Variants in EBF1 observed in about 807,000 individuals in gnomAD.
The protein encoded by EBF1 is EBF transcription factor 1.
Under a neutral mutation model 68.4 loss-of-function variants are expected in EBF1, and 10 were observed. The observed-to-expected ratio is 0.15, with a 90% CI of 0.09 to 0.25. EBF1 has a LOEUF of 0.25. Ranked by LOEUF, EBF1 falls within the 10% of genes least tolerant of loss-of-function variation. EBF1 has a pLI of 1.00. For missense variants in EBF1, 509 were observed against 794.4 expected, an observed-to-expected ratio of 0.64 and a Z score of 4.32; for synonymous variants, 298 against 299.8, an observed-to-expected ratio of 0.99 and a Z score of 0.06.
intron 6 of EBF1, among the ~76,000 whole-genome samples, chr5:158,943,494 A>G (rs909342472): frequency 3.3e-5 from 5 of 152,202 alleles, no homozygotes; most frequent in Non-Finnish European, 4.4e-5. Context: ...GTTGTGATAT[A>G]TATTATACGT....
At chr5:158,761,519 A>G (rs756739498) in intron 10 of EBF1, among the ~76,000 whole-genome samples, 3 of 152,230 alleles carry the variant, frequency 2.0e-5, no homozygotes, top group Non-Finnish European at 4.4e-5. Flanking sequence ...AGTGGTAATT[A>G]CATGGTAATT....
chr5:158,752,433 G>A (rs1769127010), intron 10 of EBF1, among the ~76,000 whole-genome samples: 2 of 150,212 alleles, frequency 1.3e-5, no homozygotes, highest in East Asian at 3.9e-4. Flanking sequence ...GAGATACCAA[G>A]ACAGCAATGG....
intron 6 of EBF1, chr5:158,983,897 A>AGAGTGTGTGT (rs781346130): frequency 3.6e-5 from 5 of 139,972 alleles, no homozygotes; most frequent in Non-Finnish European, 6.2e-5. Context: ...CAACTGTAAG[A>AGAGTGTGTGT]GTGTGTGTGT....
At chr5:158,728,749 G>GAT (rs1205482148) in intron 11 of EBF1, among the ~76,000 whole-genome samples, 1 of 152,100 alleles carries the variant, frequency 6.6e-6, no homozygotes, top group African/African-American at 2.4e-5. Context: ...TTAGTTTGTA[G>GAT]AGATAGGGTT....
chr5:158,699,297 T>C (rs1756261078), intron 15 of EBF1, among the ~76,000 whole-genome samples, 155 bp from the exon 16 acceptor site: 1 of 152,170 alleles, frequency 6.6e-6, no homozygotes, highest in Non-Finnish European at 1.5e-5. Flanking sequence ...GAATGAATTT[T>C]CGTTATAAAA....
rs569320086 is a variant in EBF1, at chr5:159,082,280, C to T, written c.485+2386G>A. On this transcript the variant is annotated intron_variant, in intron 5 of 15. Coordinates refer to ENST00000313708, the MANE Select transcript of EBF1 (RefSeq NM_024007.5). ...ACATCAACACAAAGTTTTATTGTGC[C>T]GTTAGCTTTGATAGAAAGCACTGCA... 1.4e-3 allele frequency among the ~76,000 whole-genome samples: 220 copies of T among 152,174 alleles called. 1 individual carries two copies. Among genetic ancestry groups the T allele is most frequent in the Non-Finnish European group, 2.9e-3 (199 of 67,996 alleles).
chr5:159,077,788 A>G lies in EBF1; in HGVS notation c.486-4324T>C, dbSNP rs1441544026. Reference sequence around the variant, plus strand: ...TTTTTGCACTCCCAGGCTGGAGTGCAGTGGTGTGATCTCAGCTCAGCTCAC... The same window carrying G: ...TTTTTGCACTCCCAGGCTGGAGTGCGGTGGTGTGATCTCAGCTCAGCTCAC... On this transcript the variant is annotated intron_variant, in intron 5 of 15. Coordinates refer to ENST00000313708, the MANE Select transcript of EBF1 (RefSeq NM_024007.5). 2.5e-5 allele frequency among the ~76,000 whole-genome samples: 3 copies of G among 121,014 alleles called. No homozygotes were observed. In the Admixed American group the frequency reaches 3.3e-4, roughly 13 times the overall value. The allele number at this position is 121,014 out of a possible 152,430, so 79.4% of individuals were successfully genotyped here.
intron 6 of EBF1, among the ~76,000 whole-genome samples, chr5:159,005,691 G>A (rs943055397): frequency 6.6e-6 from 1 of 152,064 alleles, no homozygotes; most frequent in South Asian, 2.1e-4. Flanking sequence ...TTTGAAAGAA[G>A]ACAAAAAATT....
chr5:159,083,458 A>C (rs1302542598), intron 5 of EBF1, among the ~76,000 whole-genome samples: 1 of 152,246 alleles, frequency 6.6e-6, no homozygotes, highest in Non-Finnish European at 1.5e-5. Flanking sequence ...CAAGTTTTAC[A>C]AATCACTGAA....
At chr5:158,746,645 A>C (rs1365035169) in intron 10 of EBF1, among the ~76,000 whole-genome samples, 2 of 152,156 alleles carry the variant, frequency 1.3e-5, no homozygotes, top group Admixed American at 6.5e-5. Context: ...AAAACCAACA[A>C]GGAAAAAAAA....
rs1756053066 is a variant in EBF1 at position 158,698,239 on chromosome 5, G to A, written c.*872C>T. 4.5e-6 allele frequency: 1 copy of A among 220,540 alleles called. No homozygotes were observed. Among genetic ancestry groups the A allele is most frequent in the Non-Finnish European group, 9.1e-6 (1 of 110,022 alleles). 13.7% of individuals were successfully genotyped at this position (220,540 alleles called of 1,614,324 possible). The stretch of plus-strand genomic sequence containing the variant: ...ATTCTGTGCCTGGACCCTGTTCCAT[G>A]AAGTCTCAAAGGAGATTCTCACACA... On this transcript the variant is annotated 3_prime_UTR_variant, in exon 16 of 16. Transcript: ENST00000313708.
At chr5:158,786,168 A>T (rs914412830) in intron 9 of EBF1, among the ~76,000 whole-genome samples, 1 of 151,358 alleles carries the variant, frequency 6.6e-6, no homozygotes, top group Non-Finnish European at 1.5e-5. Context: ...AACAACAACA[A>T]AAAAAAAACT....
chr5:158,731,637 A>G (rs1238793635), intron 10 of EBF1, among the ~76,000 whole-genome samples: 5 of 152,194 alleles, frequency 3.3e-5, no homozygotes, highest in African/African-American at 4.8e-5. Context: ...GAGGCTGGTG[A>G]GAGTAGAGGA....
intron 6 of EBF1, among the ~76,000 whole-genome samples, chr5:159,041,758 T>A (rs1374285885): frequency 6.6e-6 from 1 of 152,216 alleles, no homozygotes; most frequent in African/African-American, 2.4e-5. Context: ...CCAGCTCCTA[T>A]ATTTAGTTCC....
At chr5:158,976,153 T>C (rs1238282774) in intron 6 of EBF1, among the ~76,000 whole-genome samples, 1 of 152,216 alleles carries the variant, frequency 6.6e-6, no homozygotes, top group Non-Finnish European at 1.5e-5. Context: ...TAGCCATTCA[T>C]ACATAGCAAA....
At chr5:158,751,177 C>T (rs1051432347) in intron 10 of EBF1, among the ~76,000 whole-genome samples, 2 of 152,094 alleles carry the variant, frequency 1.3e-5, no homozygotes, top group African/African-American at 4.8e-5. Flanking sequence ...GTGGTCAACT[C>T]TGGGTGATGG....
chr5:158,807,037 G>A (rs1781715692), intron 8 of EBF1, among the ~76,000 whole-genome samples: 1 of 152,068 alleles, frequency 6.6e-6, no homozygotes, highest in African/African-American at 2.4e-5. Context: ...AGTTATAGTG[G>A]CTAGTAGCTA....
At chr5:158,830,915 C>T (rs1485208851) in intron 7 of EBF1, among the ~76,000 whole-genome samples, 2 of 152,148 alleles carry the variant, frequency 1.3e-5, no homozygotes, top group Non-Finnish European at 2.9e-5. Context: ...CACTTTAAGG[C>T]TTGAGGCAAA....
At chr5:158,808,945 A>C (rs1236638068) in intron 8 of EBF1, among the ~76,000 whole-genome samples, 2 of 152,150 alleles carry the variant, frequency 1.3e-5, no homozygotes, top group African/African-American at 4.8e-5. Context: ...TTTCTATCCC[A>C]GTCTACAAAA....
Sources: gnomAD v4.1 joint callset for allele counts (sites outside exome capture counted in the v4.1 genomes callset) on GRCh38, gnomAD v4.1.1 for gene constraint, MANE v1.5 for transcripts, NCBI Gene and HGNC (gene_info 2026-07-23, HGNC 2026-07-21) for gene names.